Variants in SLC25A26 observed in about 807,000 individuals in gnomAD.
SLC25A26 encodes solute carrier family 25 member 26.
Under a neutral mutation model 37.8 loss-of-function variants are expected in SLC25A26, and 36 were observed. The observed-to-expected ratio is 0.95, with a 90% confidence interval of 0.73 to 1.26. The LOEUF (loss-of-function observed/expected upper bound fraction) is 1.26. Ranked by LOEUF, SLC25A26 falls within the 50% of genes most tolerant of loss-of-function variation. The probability of loss-of-function intolerance (pLI) is 0.00; values close to 1 mark genes in which losing one functional copy is unlikely to be tolerated. For missense variants in SLC25A26, 390 were observed against 331.1 expected (o/e 1.18, Z -1.38); for synonymous variants, 129 against 122.5 (o/e 1.05, Z -0.35).
At chr3:66,366,060 A>G (rs1282459179) in intron 7 of SLC25A26, among the ~76,000 whole-genome samples, 1 of 152,182 alleles carries the variant, frequency 6.6e-6, no homozygotes, top group African/African-American at 2.4e-5. Context: ...TCCCCAAGGA[A>G]ATAGGAGATA....
At chr3:66,162,447 A>G (rs1297025245) in intron 1 of SLC25A26, among the ~76,000 whole-genome samples, 3 of 151,836 alleles carry the variant, frequency 2.0e-5, no homozygotes, top group African/African-American at 2.4e-5. Flanking sequence ...AAAAAGCAGA[A>G]TTTAGTGTTC....
intron 1 of SLC25A26, among the ~76,000 whole-genome samples, chr3:66,150,571 A>T (rs1443277639): frequency 3.3e-5 from 4 of 123,042 alleles, no homozygotes; most frequent in Admixed American, 9.1e-5. Flanking sequence ...TATATATAAA[A>T]ATATATATAT....
intron 5 of SLC25A26, among the ~76,000 whole-genome samples, chr3:66,283,471 G>A (rs2074412001): frequency 6.6e-6 from 1 of 151,984 alleles, no homozygotes; most frequent in South Asian, 2.1e-4. Context: ...TTGTAGAGAT[G>A]GGGTTTCACC....
At chr3:66,134,740 C>T (rs2069921187) in intron 1 of SLC25A26, among the ~76,000 whole-genome samples, 1 of 152,138 alleles carries the variant, frequency 6.6e-6, no homozygotes. Flanking sequence ...CATCAATTTC[C>T]ATATTGATCA....
At chr3:66,149,217 G>T (rs2070164521) in intron 1 of SLC25A26, among the ~76,000 whole-genome samples, 1 of 152,106 alleles carries the variant, frequency 6.6e-6, no homozygotes, top group South Asian at 2.1e-4. Context: ...ATCAGGAACT[G>T]TCAGGATTAT....
chr3:66,314,946 A>C (rs1353961058), intron 5 of SLC25A26, among the ~76,000 whole-genome samples: 1 of 151,130 alleles, frequency 6.6e-6, no homozygotes, highest in African/African-American at 2.4e-5. Flanking sequence ...CATTGTTTGT[A>C]TTTCTGTGGG....
intron 7 of SLC25A26, 118 bp downstream of exon 7, chr3:66,363,047 A>G (rs560049485): frequency 2.6e-5 from 12 of 466,762 alleles, no homozygotes; most frequent in Admixed American, 2.1e-4. Flanking sequence ...AGAGCGCTCC[A>G]CTAGTTGTTT....
intron 5 of SLC25A26, among the ~76,000 whole-genome samples, chr3:66,276,957 GAA>G (rs56071860): frequency 3.2e-5 from 4 of 124,536 alleles, no homozygotes; most frequent in Admixed American, 8.0e-5. Context: ...GGCACTGTTT[GAA>G]AAAAAAAAAA....
At chr3:66,160,034 G>T (rs556616620) in intron 1 of SLC25A26, among the ~76,000 whole-genome samples, 2 of 152,054 alleles carry the variant, frequency 1.3e-5, no homozygotes, top group Admixed American at 1.3e-4. Context: ...GGACAGTCTT[G>T]CTCTGTCACC....
At chr3:66,340,163 A>G (rs533384524) in intron 5 of SLC25A26, among the ~76,000 whole-genome samples, 4 of 152,168 alleles carry the variant, frequency 2.6e-5, no homozygotes, top group Admixed American at 2.0e-4. Flanking sequence ...GTTTAACCAT[A>G]TATGTGAAGT....
chr3:66,263,120 G>A (rs976321841), intron 4 of SLC25A26, among the ~76,000 whole-genome samples: 1 of 152,202 alleles, frequency 6.6e-6, no homozygotes, highest in African/African-American at 2.4e-5. Flanking sequence ...GCTAATCTGA[G>A]CTCCCTTAGG....
chr3:66,267,530 A>C (rs1354818040), intron 5 of SLC25A26, among the ~76,000 whole-genome samples: 1 of 152,184 alleles, frequency 6.6e-6, no homozygotes, highest in Admixed American at 6.5e-5. Flanking sequence ...CTGGAGGATA[A>C]CTTGCTGGTA....
intron 3 of SLC25A26, among the ~76,000 whole-genome samples, chr3:66,250,320 A>G (rs2073031870): frequency 6.6e-6 from 1 of 152,240 alleles, no homozygotes; most frequent in South Asian, 2.1e-4. Context: ...AGGATAAGAT[A>G]CTGCCTTTTA....
intron 1 of SLC25A26, among the ~76,000 whole-genome samples, chr3:66,226,796 G>A (rs138170904): frequency 1.4e-5 from 2 of 138,100 alleles, no homozygotes; most frequent in African/African-American, 5.0e-5. Context: ...AATTTTTTTT[G>A]TAGAAAGAGG....
At chr3:66,243,377 ATATT>A in intron 3 of SLC25A26, 65 bp downstream of exon 3, 1 of 751,712 alleles carries the variant, frequency 1.3e-6, no homozygotes, top group Non-Finnish European at 2.2e-6. Context: ...TTTTCAGTAC[ATATT>A]TATTTCATTT....
intron 1 of SLC25A26, among the ~76,000 whole-genome samples, chr3:66,159,811 C>T (rs1315214750): frequency 6.6e-6 from 1 of 152,036 alleles, no homozygotes; most frequent in Non-Finnish European, 1.5e-5. Flanking sequence ...GAAAGCCCTG[C>T]CACTATCTCA....
At chr3:66,193,214 G>T (rs2070979051) in intron 1 of SLC25A26, among the ~76,000 whole-genome samples, 4 of 151,990 alleles carry the variant, frequency 2.6e-5, no homozygotes, top group African/African-American at 9.7e-5. Flanking sequence ...ATATTTGTAT[G>T]TCTTGATGCA....
At chr3:66,313,347 G>T (rs533458912) in intron 5 of SLC25A26, among the ~76,000 whole-genome samples, 20 of 152,126 alleles carry the variant, frequency 1.3e-4, no homozygotes, top group Non-Finnish European at 2.6e-4. Context: ...TGGCTTGCCA[G>T]TTCTCCCAGC....
chr3:66,181,873 T>C (rs2070714919), intron 1 of SLC25A26, among the ~76,000 whole-genome samples: 1 of 151,640 alleles, frequency 6.6e-6, no homozygotes, highest in Non-Finnish European at 1.5e-5. Context: ...CTGCGTGTCT[T>C]TTCTCTTGTT....
Sources: allele counts gnomAD v4.1 joint callset (sites outside exome capture counted in the v4.1 genomes callset), GRCh38; gene constraint gnomAD v4.1.1; transcripts MANE v1.5; gene names NCBI Gene and HGNC (gene_info 2026-07-23, HGNC 2026-07-21).